PTPRN2: variants seen among roughly 807,000 people sequenced by gnomAD.
The protein encoded by PTPRN2 is protein tyrosine phosphatase receptor type N2, also known as receptor-type tyrosine-protein phosphatase N2.
PTPRN2 carries 74 observed loss-of-function variants against 118.8 expected under a neutral mutation model. That is an observed-to-expected ratio of 0.62 (90% CI 0.52 to 0.76). PTPRN2 has a LOEUF of 0.76. Ranked by LOEUF, PTPRN2 falls within the 30% of genes least tolerant of loss-of-function variation. PTPRN2 has a pLI of 0.00. For synonymous variants in PTPRN2, 641 were observed against 608.0 expected, an observed-to-expected ratio of 1.05 and a Z score of -0.80; for missense variants, 1,481 against 1,394.4, an observed-to-expected ratio of 1.06 and a Z score of -0.99.
chr7:157,815,371 C>T (rs866376325), intron 12 of PTPRN2, among the ~76,000 whole-genome samples: 43 of 152,314 alleles, frequency 2.8e-4, no homozygotes, highest in Middle Eastern at 6.8e-3. Context: ...CCTAGGCCTC[C>T]GCGCATCAGT....
At position 158,472,289 on chromosome 7, in the gene PTPRN2, G is replaced by A. The variant is rs931216824; in HGVS notation, c.163+17446C>T. Among the ~76,000 whole-genome samples the A allele has an allele frequency of 7.9e-5, 12 of 152,314 alleles. No individual in the cohort carries two copies. The East Asian group carries it at 1.9e-3, about 24-fold the overall frequency. On this transcript the variant is annotated intron_variant, in intron 2 of 22. Transcript: ENST00000389418. ...AGGGTGAGCTGATTGGAGGAAGGAT[G>A]GGAAGACGCCCGATCAGTGTGGTTC...
chr7:158,026,087 C>T (rs923073049), intron 11 of PTPRN2, among the ~76,000 whole-genome samples: 1 of 152,264 alleles, frequency 6.6e-6, no homozygotes, highest in Non-Finnish European at 1.5e-5. Flanking sequence ...CCCGTCGAGG[C>T]AGCACAGATA....
At chr7:157,541,770 T>C (rs866800327) in intron 22 of PTPRN2, among the ~76,000 whole-genome samples, 1 of 152,230 alleles carries the variant, frequency 6.6e-6, no homozygotes, top group Non-Finnish European at 1.5e-5. Flanking sequence ...CGATGATTAA[T>C]TTCCAGTTTT....
At chr7:158,521,674 GAGGTCCACGTCACAATGGT>G (rs1563387799) in intron 1 of PTPRN2, among the ~76,000 whole-genome samples, 4 of 93,956 alleles carry the variant, frequency 4.3e-5, no homozygotes, top group Non-Finnish European at 6.1e-5. Flanking sequence ...GCTCGGGAGG[GAGGTCCACGTCACAATGGT>G]GGACTGTCCA....
In PTPRN2 at chr7:157,812,396, T is replaced by G. The variant is rs558623705; in HGVS notation, c.1788+86277A>C. 5.0e-4 allele frequency among the ~76,000 whole-genome samples: 73 copies of G among 146,824 alleles called. No homozygotes were observed. The South Asian group carries it at 5.9e-3, about 12-fold the overall frequency. On this transcript the variant is annotated intron_variant, in intron 12 of 22. Coordinates refer to ENST00000389418, the MANE Select transcript of PTPRN2 (RefSeq NM_002847.5). The stretch of plus-strand genomic sequence containing the variant: ...CACTCCCTTTGGGGCATGAGGGAGG[T>G]GAGGGAGGAGGGTGGGAAGAACAAA...
chr7:157,595,054 C>G (rs1801213928), intron 17 of PTPRN2, among the ~76,000 whole-genome samples, 184 bp downstream of exon 17: 1 of 152,142 alleles, frequency 6.6e-6, no homozygotes, highest in South Asian at 2.1e-4. Flanking sequence ...TTTTCATACT[C>G]AAGTTTTGGA....
chr7:158,497,389 C>T (rs1001821202), intron 1 of PTPRN2, among the ~76,000 whole-genome samples: 5 of 151,082 alleles, frequency 3.3e-5, no homozygotes, highest in African/African-American at 9.7e-5. Flanking sequence ...CCAGTAAGTC[C>T]TCCCCAATTC....
At chr7:157,673,500 CCCA>C (rs1283423197) in intron 13 of PTPRN2, among the ~76,000 whole-genome samples, 2 of 152,180 alleles carry the variant, frequency 1.3e-5, no homozygotes, top group Non-Finnish European at 2.9e-5. Flanking sequence ...CCTGACTCTG[CCCA>C]CCTCACGTCC....
At position 158,570,682 on chromosome 7, in the gene PTPRN2, C is replaced by T. The variant is rs1440713172; in HGVS notation, c.112+16876G>A. On this transcript the variant is annotated intron_variant, in intron 1 of 22. Coordinates refer to ENST00000389418, the MANE Select transcript of PTPRN2 (RefSeq NM_002847.5). The surrounding 1 kb of genome is among the most constrained non-coding windows in gnomAD (Gnocchi z 4.5). ...CCGCCGTAACACGTGTATACCGGCTCAGCACGCGGCTGGGTACGGTTTGCA... is the reference window on the plus strand; with the variant it reads ...CCGCCGTAACACGTGTATACCGGCTTAGCACGCGGCTGGGTACGGTTTGCA... Among the ~76,000 whole-genome samples the T allele has an allele frequency of 6.6e-6, 1 of 152,232 alleles. No homozygotes were observed. Among genetic ancestry groups the T allele is most frequent in the Non-Finnish European group, 1.5e-5 (1 of 68,032 alleles).
At position 157,656,524 on chromosome 7, in the gene PTPRN2, GC is replaced by G; in HGVS notation, c.2028del (p.Arg677GlyfsTer54). 6.5e-7 allele frequency: 1 copy of G among 1,548,118 alleles called. No homozygotes were observed. Among genetic ancestry groups the G allele is most frequent in the Non-Finnish European group, 8.7e-7 (1 of 1,152,520 alleles). On this transcript the variant is annotated frameshift_variant, in exon 14 of 23. Transcript: ENST00000389418. LOFTEE classifies it high-confidence loss of function. Reference protein sequence around the residue: ...YQELCRQRMATRPPDRPEGPH... With the variant: ...YQELCRQRMAXRPPDRPEGPH... The stretch of plus-strand genomic sequence containing the variant: ...GGGCCCTCAGGTCGGTCTGGTGGCC[GC>G]GTGGCCATACGCTGGCGGCACAGCT...
chr7:158,400,594 A>G (rs996431169), intron 2 of PTPRN2, among the ~76,000 whole-genome samples: 1 of 152,164 alleles, frequency 6.6e-6, no homozygotes, highest in African/African-American at 2.4e-5. Flanking sequence ...GCGCTTTGTC[A>G]TCTCAGCTAC....
chr7:157,544,739 C>G (rs987918760), intron 22 of PTPRN2, among the ~76,000 whole-genome samples: 18 of 152,346 alleles, frequency 1.2e-4, no homozygotes, highest in African/African-American at 4.3e-4. Flanking sequence ...AAGAACCCAT[C>G]ATCTACCACA....
chr7:157,970,636 A>AC (rs10624378), intron 11 of PTPRN2, among the ~76,000 whole-genome samples: 15,987 of 111,260 alleles, frequency 0.14, 2,101 homozygotes, highest in African/African-American at 0.28. Context: ...CTCAGAGCGG[A>AC]CCCCCCCCCC....
intron 3 of PTPRN2, among the ~76,000 whole-genome samples, chr7:158,306,114 T>C (rs979972642): frequency 1.3e-4 from 20 of 152,198 alleles, no homozygotes; most frequent in African/African-American, 4.8e-4. Context: ...ATGTGAAAAG[T>C]CTTTCCCTGG....
chr7:158,152,137 GCA>G (rs1272401554), intron 6 of PTPRN2, among the ~76,000 whole-genome samples: 1 of 124,638 alleles, frequency 8.0e-6, no homozygotes, highest in Non-Finnish European at 1.6e-5. Flanking sequence ...TCACGCCACT[GCA>G]CTCCAGCCTG....
rs1800162359 is a variant in PTPRN2, at chr7:157,578,211, C to T, written c.2497-71G>A. On this transcript the variant is annotated intron_variant, in intron 17 of 22. Coordinates refer to ENST00000389418, the MANE Select transcript of PTPRN2 (RefSeq NM_002847.5). ...CCGCGTGACATGTGTAATTACTGCA[C>T]TCGGAAGCACAGTCCAAATTTATTC... The T allele has an allele frequency of 2.7e-6, 4 of 1,487,312 alleles. No homozygotes were observed. In the Admixed American group the frequency reaches 7.8e-5, roughly 29 times the overall value. The allele number at this position is 1,487,312 out of a possible 1,614,324, so 92.1% of individuals were successfully genotyped here. A position where few individuals can be genotyped will look rare whatever the true frequency, so the allele number is the denominator to read the frequency against.
chr7:157,543,615 T>A (rs221260), intron 22 of PTPRN2, among the ~76,000 whole-genome samples: 1 of 152,232 alleles, frequency 6.6e-6, no homozygotes, highest in Non-Finnish European at 1.5e-5. Flanking sequence ...CTTGGATTTC[T>A]ATTTGTGCTT....
intron 2 of PTPRN2, among the ~76,000 whole-genome samples, chr7:158,350,620 C>T (rs569275812): frequency 6.9e-4 from 105 of 152,322 alleles, no homozygotes; most frequent in African/African-American, 2.5e-3. Flanking sequence ...GCCTGTGAGC[C>T]AGGCTGTGCA....
intron 2 of PTPRN2, among the ~76,000 whole-genome samples, chr7:158,396,680 G>A (rs1249131131): frequency 3.3e-5 from 5 of 152,146 alleles, no homozygotes; most frequent in African/African-American, 9.7e-5. Flanking sequence ...TTGTGTGCAC[G>A]TGTGTGTGCA....
Sources: gnomAD v4.1 joint callset for allele counts (sites outside exome capture counted in the v4.1 genomes callset) on GRCh38, gnomAD v4.1.1 for gene constraint, Gnocchi (gnomAD v3.1) non-coding constraint, MANE v1.5 for transcripts, NCBI Gene and HGNC (gene_info 2026-07-23, HGNC 2026-07-21) for gene names.